The following RALYL variants were observed in gnomAD, a reference collection of about 807,000 sequenced individuals.
RALYL encodes RNA-binding Raly-like protein.
A neutral mutation model predicts 35.1 loss-of-function variants in RALYL; 29 were observed. The observed-to-expected ratio is 0.83, with a 90% CI of 0.61 to 1.13. RALYL has a LOEUF of 1.13. Among genes scored for constraint, RALYL ranks in the 50% most tolerant of loss-of-function variants. RALYL has a pLI of 0.00. For synonymous variants in RALYL, 120 were observed against 127.6 expected, an observed-to-expected ratio of 0.94 and a Z score of 0.40; for missense variants, 359 against 360.4, an observed-to-expected ratio of 1.00 and a Z score of 0.03.
chr8:84,895,098 GTTAC>G (rs1300086587), intron 8 of RALYL, among the ~76,000 whole-genome samples: 2 of 152,160 alleles, frequency 1.3e-5, no homozygotes, highest in African/African-American at 2.4e-5. Flanking sequence ...CTACTCTGTA[GTTAC>G]TTAATCTGTT....
chr8:84,379,037 A>G (rs545698938), intron 1 of RALYL, among the ~76,000 whole-genome samples: 1 of 152,008 alleles, frequency 6.6e-6, no homozygotes, highest in African/African-American at 2.4e-5. Context: ...TGTTTCTCAG[A>G]TGCAGCTCCA....
intron 1 of RALYL, among the ~76,000 whole-genome samples, chr8:84,432,982 C>CAT (rs905409633): frequency 9.9e-5 from 15 of 152,044 alleles, no homozygotes; most frequent in South Asian, 4.2e-4. Context: ...TACACACATA[C>CAT]ATATATATAT....
chr8:84,308,384 A>C (rs571631909), intron 1 of RALYL, among the ~76,000 whole-genome samples: 1 of 152,146 alleles, frequency 6.6e-6, no homozygotes, highest in Non-Finnish European at 1.5e-5. Flanking sequence ...TATTTAAAAC[A>C]GTCTCAACTC....
At chr8:84,418,944 A>G (rs937939731) in intron 1 of RALYL, among the ~76,000 whole-genome samples, 13 of 152,118 alleles carry the variant, frequency 8.5e-5, no homozygotes, top group African/African-American at 3.1e-4. Flanking sequence ...GCATTGTCTA[A>G]GTATCTCCCT....
At chr8:84,784,536 G>A (rs1818921398) in intron 3 of RALYL, among the ~76,000 whole-genome samples, 1 of 152,070 alleles carries the variant, frequency 6.6e-6, no homozygotes, top group South Asian at 2.1e-4. Flanking sequence ...CAAATCATAA[G>A]CTAGAAGACT....
chr8:84,212,131 A>G (rs1267103718), intron 1 of RALYL, among the ~76,000 whole-genome samples: 1 of 152,180 alleles, frequency 6.6e-6, no homozygotes, highest in African/African-American at 2.4e-5. Context: ...AGTTGAGTAT[A>G]AGATGCAGAT....
chr8:84,417,269 A>G (rs2044823843), intron 1 of RALYL, among the ~76,000 whole-genome samples: 1 of 152,154 alleles, frequency 6.6e-6, no homozygotes, highest in South Asian at 2.1e-4. Context: ...TTAAAAATAT[A>G]ACAAGAGAGT....
intron 3 of RALYL, among the ~76,000 whole-genome samples, chr8:84,795,544 A>G (rs1821716125): frequency 6.6e-6 from 1 of 152,210 alleles, no homozygotes; most frequent in African/African-American, 2.4e-5. Context: ...TTATTTGTAC[A>G]TTGGTTTATG....
At chr8:84,657,629 C>T (rs192898437) in intron 2 of RALYL, among the ~76,000 whole-genome samples, 62 of 152,132 alleles carry the variant, frequency 4.1e-4, no homozygotes, top group African/African-American at 1.4e-3. Flanking sequence ...GGAAGAAAGT[C>T]GAGTGAAAAA....
At chr8:84,223,166 CTCCCT>C (rs11277780) in intron 1 of RALYL, among the ~76,000 whole-genome samples, 28,332 of 83,132 alleles carry the variant, frequency 0.34, 7,147 homozygotes, top group Non-Finnish European at 0.36. Flanking sequence ...TCTTTCCTTC[CTCCCT>C]TCCCTTCCCT....
chr8:84,842,263 C>T (rs1251218170), intron 4 of RALYL, among the ~76,000 whole-genome samples: 11 of 152,042 alleles, frequency 7.2e-5, no homozygotes, highest in Non-Finnish European at 1.5e-4. Flanking sequence ...CAAATAGACG[C>T]AATAAAAAAT....
intron 1 of RALYL, among the ~76,000 whole-genome samples, chr8:84,342,297 A>T (rs1032721680): frequency 1.3e-4 from 7 of 54,784 alleles, no homozygotes; most frequent in East Asian, 5.7e-4. Flanking sequence ...TATATATATA[A>T]AACTCAAAAA....
At chr8:84,845,527 G>T (rs547382201) in intron 4 of RALYL, among the ~76,000 whole-genome samples, 1 of 152,056 alleles carries the variant, frequency 6.6e-6, no homozygotes, top group African/African-American at 2.4e-5. Context: ...TGGGTTTTTT[G>T]CTTGAAAATT....
At chr8:84,628,520 G>C (rs1187633368) in intron 2 of RALYL, among the ~76,000 whole-genome samples, 2 of 152,018 alleles carry the variant, frequency 1.3e-5, no homozygotes, top group Non-Finnish European at 2.9e-5. Context: ...CTACAGAGTA[G>C]GTGATTATTA....
intron 2 of RALYL, among the ~76,000 whole-genome samples, chr8:84,549,702 C>T (rs1439666461): frequency 6.6e-6 from 1 of 152,184 alleles, no homozygotes; most frequent in Non-Finnish European, 1.5e-5. Context: ...GAGTCCTTAA[C>T]TGCAACTCCC....
chr8:84,821,396 A>G (rs1286140399), intron 4 of RALYL, among the ~76,000 whole-genome samples: 2 of 152,324 alleles, frequency 1.3e-5, no homozygotes, highest in East Asian at 3.9e-4. Context: ...TTGCTTACAA[A>G]GCTGGCAACT....
chr8:84,843,954 T>C (rs958616920), intron 4 of RALYL, among the ~76,000 whole-genome samples: 1 of 152,176 alleles, frequency 6.6e-6, no homozygotes, highest in African/African-American at 2.4e-5. Flanking sequence ...TTACACCTTA[T>C]ACAAAAATTA....
chr8:84,213,050 C>CA (rs1819889336), intron 1 of RALYL, among the ~76,000 whole-genome samples: 1 of 152,058 alleles, frequency 6.6e-6, no homozygotes, highest in African/African-American at 2.4e-5. Flanking sequence ...GGAAAATTCT[C>CA]AGAGTATATA....
intron 1 of RALYL, among the ~76,000 whole-genome samples, chr8:84,273,853 T>G (rs1834816644): frequency 6.6e-6 from 1 of 152,224 alleles, no homozygotes; most frequent in African/African-American, 2.4e-5. Context: ...GTTGCTTGAA[T>G]AGCATTAAGA....
Sources: allele counts gnomAD v4.1 joint callset (sites outside exome capture counted in the v4.1 genomes callset), GRCh38; gene constraint gnomAD v4.1.1; transcripts MANE v1.5; gene names NCBI Gene and HGNC (gene_info 2026-07-23, HGNC 2026-07-21).